Variants in RAB27B observed in about 807,000 individuals in gnomAD.
RAB27B encodes ras-related protein Rab-27B.
Under a neutral mutation model 24.6 loss-of-function variants are expected in RAB27B, and 15 were observed. The observed-to-expected ratio is 0.61, with a 90% CI of 0.41 to 0.94. RAB27B has a LOEUF of 0.94. RAB27B is among the 40% of genes least tolerant of loss of function. The pLI is 0.00. For missense variants in RAB27B, 261 were observed against 266.8 expected, an observed-to-expected ratio of 0.98 and a Z score of 0.15; for synonymous variants, 105 against 92.5, an observed-to-expected ratio of 1.14 and a Z score of -0.78.
chr18:54,879,183 C>T (rs550872944), intron 2 of RAB27B, among the ~76,000 whole-genome samples, 186 bp from the exon 3 acceptor site: 2 of 152,218 alleles, frequency 1.3e-5, no homozygotes, highest in South Asian at 4.1e-4. Context: ...GAAAATCATA[C>T]TTGCACTTGA....
At chr18:54,772,908 A>C (rs1478471862) in intron 2 of RAB27B, among the ~76,000 whole-genome samples, 2 of 152,160 alleles carry the variant, frequency 1.3e-5, no homozygotes, top group Non-Finnish European at 2.9e-5. Context: ...GCCATCTGGA[A>C]GAATAATATC....
intron 1 of RAB27B, among the ~76,000 whole-genome samples, chr18:54,838,938 TAGTA>T (rs1457277095): frequency 4.6e-5 from 7 of 152,296 alleles, no homozygotes; most frequent in East Asian, 1.9e-4. Flanking sequence ...TGTGTTTTGT[TAGTA>T]AGTAAGCTAA....
intron 2 of RAB27B, among the ~76,000 whole-genome samples, chr18:54,719,911 A>G (rs1324565447): frequency 6.6e-6 from 1 of 152,018 alleles, no homozygotes. Flanking sequence ...ATCATTACAC[A>G]TGTCTTGTTA....
rs1911461853 is a variant in RAB27B at position 54,849,341 on chromosome 18, T to G, written c.-20+20641T>G. 2.0e-5 allele frequency among the ~76,000 whole-genome samples: 3 copies of G among 152,314 alleles called. No individual in the cohort carries two copies. In the South Asian group the frequency reaches 6.2e-4, roughly 32 times the overall value. ...TCAACTGTTTAAAAAATTATTATCTTTAACAGCTCTTGAAAGATTAGCTTT... is the reference window on the plus strand; with the variant it reads ...TCAACTGTTTAAAAAATTATTATCTGTAACAGCTCTTGAAAGATTAGCTTT... On this transcript the variant is annotated intron_variant, in intron 1 of 5. Coordinates refer to ENST00000262094, the MANE Select transcript of RAB27B (RefSeq NM_004163.4).
intron 1 of RAB27B, among the ~76,000 whole-genome samples, chr18:54,848,296 G>A (rs1247672966): frequency 6.6e-6 from 1 of 152,190 alleles, no homozygotes; most frequent in African/African-American, 2.4e-5. Flanking sequence ...AAAAATAAAT[G>A]TTTATGGCTG....
chr18:54,796,330 T>A (rs762203905), intron 2 of RAB27B, among the ~76,000 whole-genome samples: 3 of 152,230 alleles, frequency 2.0e-5, no homozygotes, highest in Non-Finnish European at 4.4e-5. Flanking sequence ...CTTGTGCTGA[T>A]CAGCTCGATA....
chr18:54,873,720 T>TGTGTGTGTGA (rs1200020107), intron 1 of RAB27B, among the ~76,000 whole-genome samples: 1 of 144,872 alleles, frequency 6.9e-6, no homozygotes, highest in Non-Finnish European at 1.6e-5. Flanking sequence ...TGTGTGTGTG[T>TGTGTGTGTGA]GTGTGTGTGA....
At chr18:54,818,367 CT>C (rs1910185484) in intron 2 of RAB27B, among the ~76,000 whole-genome samples, 1 of 152,178 alleles carries the variant, frequency 6.6e-6, no homozygotes. Flanking sequence ...TCAATTCATC[CT>C]TTTCTAAAAT....
intron 1 of RAB27B, among the ~76,000 whole-genome samples, chr18:54,849,829 A>G (rs1265525270): frequency 6.6e-6 from 1 of 152,188 alleles, no homozygotes; most frequent in Non-Finnish European, 1.5e-5. Context: ...AAGGAAACTG[A>G]ATAGACCTCT....
At position 54,742,244 on chromosome 18, in the gene RAB27B, C is replaced by G. The variant is rs150534482; in HGVS notation, c.-20+24103C>G. On this transcript the variant is annotated intron_variant, in intron 2 of 4. Coordinates refer to the RAB27B transcript ENST00000586570. ...TCTTGTAACACTGTCCTTCAGGAAA[C>G]TTACAGGAGAGACCTTTCTGGCAGT... Among the ~76,000 whole-genome samples the G allele has an allele frequency of 2.7e-3, 412 of 152,270 alleles. 7 individuals are homozygous for G. Among genetic ancestry groups the G allele is most frequent in the Non-Finnish European group, 9.4e-4 (64 of 68,010 alleles).
At chr18:54,827,796 A>C (rs1441166491), upstream of RAB27B, among the ~76,000 whole-genome samples, 4 of 152,178 alleles carry the variant, frequency 2.6e-5, no homozygotes, top group African/African-American at 9.7e-5. Flanking sequence ...GGGATGTCTG[A>C]ATGTGTCTAA....
At chr18:54,781,356 C>T (rs192243678) in intron 2 of RAB27B, among the ~76,000 whole-genome samples, 3 of 152,042 alleles carry the variant, frequency 2.0e-5, no homozygotes, top group Admixed American at 2.0e-4. Context: ...TATCTCTGAC[C>T]TTCATGCTTA....
chr18:54,792,267 T>C (rs534782143), intron 2 of RAB27B, among the ~76,000 whole-genome samples: 3 of 152,132 alleles, frequency 2.0e-5, no homozygotes, highest in African/African-American at 7.2e-5. Flanking sequence ...AGCAGCGGGG[T>C]ACTGAAGAAG....
At chr18:54,809,418 C>T (rs1252997839) in intron 2 of RAB27B, among the ~76,000 whole-genome samples, 1 of 152,150 alleles carries the variant, frequency 6.6e-6, no homozygotes, top group Admixed American at 6.5e-5. Context: ...TCAGGGAGCA[C>T]CTAGTCCCAG....
Position 54,754,458 on chromosome 18 carries a change from T to A in RAB27B, c.-20+36317T>A, listed in dbSNP as rs541296624. ...AAGTTGTTATTGTTAGCAGAAAACG[T>A]TCTTGGATCTAGTGCAGAAAGGAAT... is the stretch of plus-strand genomic sequence containing the variant. On this transcript the variant is annotated intron_variant, in intron 2 of 4. Transcript: ENST00000586570. 3.9e-5 allele frequency among the ~76,000 whole-genome samples: 6 copies of A among 152,250 alleles called. No homozygotes were observed. The South Asian group carries it at 1.2e-3, about 32-fold the overall frequency.
intron 2 of RAB27B, among the ~76,000 whole-genome samples, chr18:54,779,693 G>A (rs1908828630): frequency 6.6e-6 from 1 of 152,168 alleles, no homozygotes; most frequent in Non-Finnish European, 1.5e-5. Flanking sequence ...GAATTTGTTA[G>A]AAATGTACAT....
intron 2 of RAB27B, among the ~76,000 whole-genome samples, chr18:54,778,312 G>A (rs566813881): frequency 5.9e-5 from 9 of 152,006 alleles, no homozygotes; most frequent in South Asian, 2.1e-4. Context: ...GTTTCTCCAC[G>A]TCCTTCAGCA....
chr18:54,773,116 T>A (rs1908604875), intron 2 of RAB27B, among the ~76,000 whole-genome samples: 1 of 152,224 alleles, frequency 6.6e-6, no homozygotes, highest in South Asian at 2.1e-4. Context: ...ATCTCATATT[T>A]CTGTCCTGAA....
intron 3 of RAB27B, among the ~76,000 whole-genome samples, chr18:54,882,121 T>C (rs1912949624): frequency 6.6e-6 from 1 of 152,192 alleles, no homozygotes; most frequent in Non-Finnish European, 1.5e-5. Context: ...TAAATTTTTT[T>C]GGTATTTCTG....
Sources: gnomAD v4.1 joint callset for allele counts (sites outside exome capture counted in the v4.1 genomes callset) on GRCh38, gnomAD v4.1.1 for gene constraint, MANE v1.5 for transcripts, NCBI Gene and HGNC (gene_info 2026-07-23, HGNC 2026-07-21) for gene names.